The following SP1 variants were observed in gnomAD, a reference collection of about 807,000 sequenced individuals.
The protein encoded by SP1 is transcription factor Sp1.
Under a neutral mutation model 66.3 loss-of-function variants are expected in SP1, and 6 were observed. The observed-to-expected ratio is 0.09, with a 90% CI of 0.05 to 0.18. The LOEUF (loss-of-function observed/expected upper bound fraction) is 0.18, where lower values mean the gene tolerates loss of function less well. Ranked by LOEUF, SP1 falls within the 10% of genes least tolerant of loss-of-function variation. The pLI, the probability that SP1 is intolerant of heterozygous loss-of-function variation, is 1.00. For missense variants in SP1, 848 were observed against 964.5 expected (o/e 0.88, Z 1.60); for synonymous variants, 417 against 360.8 (o/e 1.16, Z -1.77).
chr12:53,380,236 G>GGCCCCCCC lies in SP1; in HGVS notation c.-56_-55insGCCCCCCC. Reference sequence around the variant, plus strand: ...CTCGTCAGCGTCCGCGTTTTTCCCGGCCCCCCCCAACCCCCCCGGACAGGA... The same window carrying GGCCCCCCC: ...CTCGTCAGCGTCCGCGTTTTTCCCGGGCCCCCCCCCCCCCCCAACCCCCCCGGACAGGA... On this transcript the variant is annotated 5_prime_UTR_variant, in exon 1 of 6. Coordinates refer to ENST00000327443, the MANE Select transcript of SP1 (RefSeq NM_138473.3). 9.8e-7 allele frequency: 1 copy of GGCCCCCCC among 1,023,202 alleles called. No homozygotes were observed. The highest frequency in any genetic ancestry group is 1.5e-6 in the Non-Finnish European group (1 of 656,924). The allele number at this position is 1,023,202 out of a possible 1,614,324, so 63.4% of individuals were successfully genotyped here.
chr12:53,386,783 C>G (rs1021899337), intron 3 of SP1, among the ~76,000 whole-genome samples: 3 of 151,954 alleles, frequency 2.0e-5, no homozygotes, highest in Admixed American at 2.0e-4. Flanking sequence ...GCCACTATGC[C>G]CGGCCTGACT....
intron 3 of SP1, among the ~76,000 whole-genome samples, chr12:53,392,579 G>T (rs1484986967): frequency 2.0e-5 from 3 of 151,182 alleles, no homozygotes; most frequent in Admixed American, 1.3e-4. Context: ...GGATGGTCTC[G>T]ATCTCCTGAC....
intron 1 of SP1, 66 bp downstream of exon 1, chr12:53,380,364 C>G: frequency 1.5e-6 from 2 of 1,314,202 alleles, no homozygotes; most frequent in Non-Finnish European, 2.0e-6. Context: ...CGAGGGCCGA[C>G]CGGGCGATCC....
In SP1 at chr12:53,406,603, T is replaced by A. The variant is rs1253280833; in HGVS notation, c.1694T>A (p.Leu565His). Residue 565 changes from leucine to histidine, a missense_variant, in exon 4 of 6, where the codon CTT becomes CAT. This residue lies in a region of SP1 where 606 missense variants were observed against 589.9 expected (regional missense o/e 1.03). Transcript: ENST00000327443. ...ATTTCAGGTGATCATGGAGCTCAGCTTGGTCTCCATGGGGCTGGTGGTGAT... is the reference window on the plus strand; with the variant it reads ...ATTTCAGGTGATCATGGAGCTCAGCATGGTCTCCATGGGGCTGGTGGTGAT... The part of the protein sequence containing the change: ...ANAPGDHGAQ[L>H]GLHGAGGDGI... The A allele has an allele frequency of 3.3e-5, 53 of 1,613,890 alleles. No individual in the cohort carries two copies. Among genetic ancestry groups the A allele is most frequent in the Non-Finnish European group, 4.3e-5 (51 of 1,179,966 alleles).
At chr12:53,394,502 G>A (rs117094207) in intron 3 of SP1, among the ~76,000 whole-genome samples, 5,035 of 148,492 alleles carry the variant, frequency 0.034, 220 homozygotes, top group East Asian at 0.13. Context: ...GACCTCCTGG[G>A]ATCAAGTGGG....
Position 53,412,984 on chromosome 12 carries a change from G to A in SP1, c.*1744G>A, listed in dbSNP as rs1938926095. 6.6e-6 allele frequency: 1 copy of A among 151,900 alleles called. No homozygotes were observed. Among genetic ancestry groups the A allele is most frequent in the Non-Finnish European group, 1.5e-5 (1 of 67,940 alleles). The allele number at this position is 151,900 out of a possible 1,614,324, so 9.4% of individuals were successfully genotyped here. A position where few individuals can be genotyped will look rare whatever the true frequency, so the allele number is the denominator to read the frequency against. ...TGTGTGTGTAATCTGTTAGGTTGGG[G>A]ATAGGTTTTCTGCTAGCCAATATTA... On this transcript the variant is annotated 3_prime_UTR_variant, in exon 6 of 6. Transcript: ENST00000327443.
At position 53,383,115 on chromosome 12, in the gene SP1, C is replaced by G; in HGVS notation, c.1168C>G (p.Gln390Glu). The G allele has an allele frequency of 6.2e-7, 1 of 1,614,194 alleles. No homozygotes were observed. Among genetic ancestry groups the G allele is most frequent in the Non-Finnish European group, 8.5e-7 (1 of 1,180,046 alleles). Residue 390 changes from glutamine (Q) to glutamate (E), a missense_variant, in exon 3 of 6, where the codon CAA becomes GAA. Around this residue, in one of 7 missense-constraint regions of SP1, gnomAD observed 606 missense variants for 589.9 expected, o/e 1.03. Coordinates refer to ENST00000327443, the MANE Select transcript of SP1 (RefSeq NM_138473.3). ...AGCAGGCCAGCAAAAAGAAGGAGAG[C>G]AAAACCAGCAGACACAGCAGCAACA... ...LQAGQQKEGE[Q>E]NQQTQQQQIL... is the part of the protein sequence containing the mutation.
Position 53,391,346 on chromosome 12 carries a change from C to CTTT in SP1, c.1675+7743_1675+7745dup, listed in dbSNP as rs71068117. Among the ~76,000 whole-genome samples, 263 of 97,462 alleles carry CTTT rather than the reference C, an allele frequency of 2.7e-3. 7 individuals are homozygous for CTTT. Among genetic ancestry groups the CTTT allele is most frequent in the African/African-American group, 7.6e-3 (196 of 25,828 alleles). 63.9% of individuals were successfully genotyped at this position (97,462 alleles called of 152,430 possible). ...AGAACTTTTTTTTTTTAAGTAATGT[C>CTTT]TTTTTTTTTTTTTTTTTTTTTGAGA... On this transcript the variant is annotated intron_variant, in intron 3 of 5. Transcript: ENST00000327443.
At chr12:53,410,854 G>T in intron 5 of SP1, 73 bp from the exon 6 acceptor site, 1 of 1,071,532 alleles carries the variant, frequency 9.3e-7, no homozygotes, top group Non-Finnish European at 1.4e-6. Flanking sequence ...GCTTAGTAGA[G>T]TAAGCACTGA....
chr12:53,409,443 C>T lies in SP1; in HGVS notation c.1926C>T (p.His642=), dbSNP rs61754167. Residue 642 remains histidine, a synonymous_variant, in exon 5 of 6, where the codon CAC becomes CAT. Coordinates refer to ENST00000327443, the MANE Select transcript of SP1 (RefSeq NM_138473.3). The part of the protein sequence containing the change: ...GCGKVYGKTS[H]LRAHLRWHTG... ...GGAAAGTGTATGGCAAGACCTCTCA[C>T]CTGCGGGCACACTTGCGCTGGCATA... is the stretch of plus-strand genomic sequence containing the variant. 1.6e-3 allele frequency: 2,631 copies of T among 1,614,076 alleles called. 8 individuals are homozygous for T. The highest frequency in any genetic ancestry group is 0.013 in the Middle Eastern group (78 of 6,058).
At position 53,384,801 on chromosome 12, in the gene SP1, A is replaced by G. The variant is rs542918546; in HGVS notation, c.1675+1179A>G. On this transcript the variant is annotated intron_variant, in intron 3 of 5. Coordinates refer to ENST00000327443, the MANE Select transcript of SP1 (RefSeq NM_138473.3). ...GGAGTTCAAGACCGGCTGGGGCAAC[A>G]TGGCGAAACCCTGTCTTCGACAAAA... Among the ~76,000 whole-genome samples the G allele has an allele frequency of 7.9e-5, 12 of 151,936 alleles. No homozygotes were observed. In the South Asian group the frequency reaches 2.5e-3, roughly 32 times the overall value.
intron 3 of SP1, among the ~76,000 whole-genome samples, chr12:53,392,864 G>A (rs959363669): frequency 1.3e-5 from 2 of 151,204 alleles, no homozygotes; most frequent in African/African-American, 4.9e-5. Context: ...TCTCTCTGTC[G>A]CCCAGGCTGG....
chr12:53,397,244 C>A (rs971624608), intron 3 of SP1, among the ~76,000 whole-genome samples: 1 of 151,938 alleles, frequency 6.6e-6, no homozygotes, highest in Admixed American at 6.6e-5. Flanking sequence ...CTCCTGACCT[C>A]AAATGATCCG....
chr12:53,409,851 T>A (rs934276992), intron 5 of SP1, among the ~76,000 whole-genome samples: 3 of 151,446 alleles, frequency 2.0e-5, no homozygotes, highest in African/African-American at 7.3e-5. Context: ...CTACTAAATA[T>A]ACAAAAAAAT....
At chr12:53,387,515 T>G (rs1480060663) in intron 3 of SP1, among the ~76,000 whole-genome samples, 1 of 152,110 alleles carries the variant, frequency 6.6e-6, no homozygotes, top group African/African-American at 2.4e-5. Flanking sequence ...ATCTTAGAAT[T>G]GAAAGTTAGA....
At chr12:53,401,386 G>A (rs1022883212) in intron 3 of SP1, among the ~76,000 whole-genome samples, 1 of 150,684 alleles carries the variant, frequency 6.6e-6, no homozygotes, top group African/African-American at 2.4e-5. Context: ...AGGAGGTGGA[G>A]GTTGCATTGA....
At chr12:53,399,923 G>A (rs1424021155) in intron 3 of SP1, among the ~76,000 whole-genome samples, 5 of 152,030 alleles carry the variant, frequency 3.3e-5, no homozygotes, top group South Asian at 4.2e-4. Context: ...GAGCCACCGC[G>A]CCTGGCAATT....
chr12:53,381,633 C>A (rs756255327), intron 1 of SP1, 26 bp from the exon 2 acceptor site: 2 of 1,580,152 alleles, frequency 1.3e-6, no homozygotes, highest in Admixed American at 1.8e-5. Flanking sequence ...CTCAAGTTTA[C>A]GTTGTTTGTT....
intron 1 of SP1, among the ~76,000 whole-genome samples, chr12:53,381,087 G>A (rs1938086407): frequency 6.6e-6 from 1 of 151,094 alleles, no homozygotes; most frequent in Non-Finnish European, 1.5e-5. Context: ...GGAGTAGCTG[G>A]AATTACAGGC....
Sources: gnomAD v4.1 joint callset for allele counts (sites outside exome capture counted in the v4.1 genomes callset) on GRCh38, gnomAD v4.1.1 for gene constraint, gnomAD v4.1.1 regional missense constraint, MANE v1.5 for transcripts, NCBI Gene and HGNC (gene_info 2026-07-23, HGNC 2026-07-21) for gene names.